The following THRB variants were observed in gnomAD, a reference collection of about 807,000 sequenced individuals.
THRB encodes thyroid hormone receptor beta.
THRB carries 12 observed loss-of-function variants against 47.8 expected under a neutral mutation model. That is an observed-to-expected ratio of 0.25 (90% CI 0.16 to 0.41). The LOEUF (loss-of-function observed/expected upper bound fraction) is 0.41, where lower values mean the gene tolerates loss of function less well. THRB is among the 10% of genes least tolerant of loss of function. THRB has a pLI of 1.00. For synonymous variants in THRB, 218 were observed against 212.2 expected, an observed-to-expected ratio of 1.03 and a Z score of -0.24; for missense variants, 348 against 589.2, an observed-to-expected ratio of 0.59 and a Z score of 4.24.
At chr3:24,209,612 G>A (rs1415361307) in intron 4 of THRB, among the ~76,000 whole-genome samples, 1 of 152,168 alleles carries the variant, frequency 6.6e-6, no homozygotes. Flanking sequence ...ACTCAAAGGT[G>A]GGAATTGAAC....
intron 5 of THRB, among the ~76,000 whole-genome samples, chr3:24,176,349 T>C (rs1200942373): frequency 6.6e-6 from 1 of 152,218 alleles, no homozygotes; most frequent in Non-Finnish European, 1.5e-5. Flanking sequence ...TTAAGTGGAA[T>C]AATTTTGACA....
At chr3:24,254,910 C>G (rs1183278302) in intron 3 of THRB, among the ~76,000 whole-genome samples, 2 of 152,202 alleles carry the variant, frequency 1.3e-5, no homozygotes, top group Non-Finnish European at 2.9e-5. Context: ...GAGCCCCTGA[C>G]AGCTTCAGTT....
intron 1 of THRB, among the ~76,000 whole-genome samples, chr3:24,487,946 G>GAAAGAA (rs1697549537): frequency 6.6e-6 from 1 of 152,136 alleles, no homozygotes; most frequent in Admixed American, 6.6e-5. Flanking sequence ...GAAACAAATG[G>GAAAGAA]CAAAGGGAAG....
intron 5 of THRB, among the ~76,000 whole-genome samples, chr3:24,175,626 A>ATGTC (rs1334368582): frequency 2.9e-4 from 44 of 152,230 alleles, no homozygotes; most frequent in Non-Finnish European, 5.4e-4. Flanking sequence ...CAACAGTGGA[A>ATGTC]TGTCTGCTCT....
chr3:24,182,149 C>A (rs1215863630), intron 5 of THRB, among the ~76,000 whole-genome samples: 1 of 151,932 alleles, frequency 6.6e-6, no homozygotes, highest in Admixed American at 6.6e-5. Context: ...TGCAGTGAGC[C>A]GAGATTGCGC....
chr3:24,200,912 A>G (rs1213029573), intron 4 of THRB, among the ~76,000 whole-genome samples: 1 of 152,212 alleles, frequency 6.6e-6, no homozygotes, highest in Admixed American at 6.5e-5. Context: ...CACCAAAAAC[A>G]TATTTTATGA....
At chr3:24,235,643 G>A (rs540618030) in intron 3 of THRB, among the ~76,000 whole-genome samples, 1 of 152,210 alleles carries the variant, frequency 6.6e-6, no homozygotes, top group African/African-American at 2.4e-5. Context: ...ACCTTCATTA[G>A]CAATTCTCTT....
At chr3:24,137,799 G>C (rs901750824) in intron 8 of THRB, among the ~76,000 whole-genome samples, 1 of 152,160 alleles carries the variant, frequency 6.6e-6, no homozygotes, top group Admixed American at 6.5e-5. Flanking sequence ...AGATATGCGG[G>C]GAGTCAAAGG....
intron 1 of THRB, among the ~76,000 whole-genome samples, chr3:24,422,814 T>C (rs1165805560): frequency 6.6e-6 from 1 of 151,870 alleles, no homozygotes; most frequent in African/African-American, 2.4e-5. Flanking sequence ...CATCAATTTT[T>C]TCCTTCCCTA....
At chr3:24,479,677 C>A (rs970454771) in intron 1 of THRB, among the ~76,000 whole-genome samples, 1 of 152,256 alleles carries the variant, frequency 6.6e-6, no homozygotes, top group African/African-American at 2.4e-5. Flanking sequence ...TCCAGCTAAA[C>A]GCAGTTTGCC....
At chr3:24,437,786 T>A (rs2071117404) in intron 1 of THRB, among the ~76,000 whole-genome samples, 1 of 152,026 alleles carries the variant, frequency 6.6e-6, no homozygotes, top group African/African-American at 2.4e-5. Context: ...ATGAACACAC[T>A]TTTGGGCTCA....
chr3:24,231,256 G>A (rs1046427174), intron 3 of THRB, among the ~76,000 whole-genome samples: 8 of 152,094 alleles, frequency 5.3e-5, no homozygotes, highest in Non-Finnish European at 8.8e-5. Flanking sequence ...TCTTGAAGGC[G>A]AAGCTATAAA....
chr3:24,366,222 C>T (rs1011210690), intron 1 of THRB, among the ~76,000 whole-genome samples: 26 of 152,148 alleles, frequency 1.7e-4, no homozygotes, highest in African/African-American at 6.3e-4. Context: ...TATCAACCAT[C>T]GTTGAATCAG....
intron 4 of THRB, among the ~76,000 whole-genome samples, chr3:24,223,901 G>T (rs2047399606): frequency 6.6e-6 from 1 of 151,536 alleles, no homozygotes; most frequent in Admixed American, 6.6e-5. Flanking sequence ...TGTGGGGGGG[G>T]TATATAGTCA....
At chr3:24,136,637 G>T (rs1289871849) in intron 8 of THRB, among the ~76,000 whole-genome samples, 2 of 152,180 alleles carry the variant, frequency 1.3e-5, no homozygotes, top group Non-Finnish European at 2.9e-5. Context: ...ATACACATAT[G>T]TATTTATGTG....
chr3:24,267,028 A>G (rs2052734927), intron 3 of THRB, among the ~76,000 whole-genome samples: 1 of 152,082 alleles, frequency 6.6e-6, no homozygotes, highest in African/African-American at 2.4e-5. Context: ...TCCCCTGAAT[A>G]CTTAATTAAA....
At chr3:24,287,731 A>G (rs1355845728) in intron 3 of THRB, among the ~76,000 whole-genome samples, 1 of 152,152 alleles carries the variant, frequency 6.6e-6, no homozygotes, top group Non-Finnish European at 1.5e-5. Context: ...GGGGAGCAGG[A>G]AAGTTTGAAG....
At chr3:24,436,983 G>A (rs1003116467) in intron 1 of THRB, among the ~76,000 whole-genome samples, 2 of 151,656 alleles carry the variant, frequency 1.3e-5, no homozygotes, top group African/African-American at 2.4e-5. Flanking sequence ...GAGGGTTGAC[G>A]CAAAAGAGAT....
At chr3:24,299,156 G>A (rs1158455502) in intron 2 of THRB, among the ~76,000 whole-genome samples, 1 of 149,974 alleles carries the variant, frequency 6.7e-6, no homozygotes, top group Non-Finnish European at 1.5e-5. Flanking sequence ...GCTGAGGCAG[G>A]AGAATGGCGT....
Sources: allele counts gnomAD v4.1 joint callset (sites outside exome capture counted in the v4.1 genomes callset), GRCh38; gene constraint gnomAD v4.1.1; transcripts MANE v1.5; gene names NCBI Gene and HGNC (gene_info 2026-07-23, HGNC 2026-07-21).